MUC5AC: variants seen among roughly 807,000 people sequenced by gnomAD.
MUC5AC encodes the protein mucin 5AC, oligomeric mucus/gel-forming.
In MUC5AC, 158 loss-of-function variants were observed where a neutral mutation model predicts 169.7. That is an observed-to-expected ratio of 0.93 (90% CI 0.82 to 1.06). The LOEUF is 1.06. Among genes scored for constraint, MUC5AC ranks in the 50% least tolerant of loss-of-function variants. The pLI is 0.00. For synonymous variants in MUC5AC, 1,975 were observed against 1,237.0 expected, an observed-to-expected ratio of 1.60 and a Z score of -12.52; for missense variants, 4,359 against 3,089.9, an observed-to-expected ratio of 1.41 and a Z score of -9.74.
Position 1,162,146 on chromosome 11 carries a change from T to TC in MUC5AC, c.453dup (p.Val152ArgfsTer42), listed in dbSNP as rs758359469. On this transcript the variant is annotated frameshift_variant, in exon 4 of 49. Transcript: ENST00000621226. LOFTEE classifies it high-confidence loss of function. The stretch of plus-strand genomic sequence containing the variant: ...CGTGGTCATCCAGCTGACCAAGGGC[T>TC]CCGTCCTGGTCAACGGCCACCCGTG... 35 of 1,611,318 alleles carry TC rather than the reference T, an allele frequency of 2.2e-5. No homozygotes were observed. The highest frequency in any genetic ancestry group is 2.9e-5 in the Non-Finnish European group (34 of 1,178,904).
intron 15 of MUC5AC, among the ~76,000 whole-genome samples, chr11:1,171,019 T>TTCACCCACTCAC: frequency 1.7e-5 from 1 of 57,828 alleles, no homozygotes; most frequent in South Asian, 7.3e-4. Context: ...CATTCACCCA[T>TTCACCCACTCAC]TCACCCACTC....
chr11:1,189,591 A>G lies in MUC5AC; in HGVS notation c.11446A>G (p.Thr3816Ala), dbSNP rs1229067848. The G allele has an allele frequency of 1.6e-6, 1 of 608,536 alleles. No individual in the cohort carries two copies. The highest frequency in any genetic ancestry group is 2.9e-6 in the Non-Finnish European group (1 of 342,602). 37.7% of individuals were successfully genotyped at this position (608,536 alleles called of 1,614,324 possible). The change falls in exon 31 of 49, where the codon ACC (threonine) becomes GCC (alanine). Residue 3816 changes from threonine (T) to alanine (A), a missense_variant. Transcript: ENST00000621226. ...AATCTCTTCCCCTACAACCAGCACA[A>G]CCTCCACTCCGCAGACCAGCACAAC... The part of the protein sequence containing the change: ...STISSPTTST[T>A]STPQTSTTSS...
intron 4 of MUC5AC, 48 bp downstream of exon 4, chr11:1,162,216 G>A (rs1364785309): frequency 3.1e-6 from 5 of 1,588,424 alleles, no homozygotes; most frequent in Non-Finnish European, 4.3e-6. Context: ...GTGTGGGGTG[G>A]CATTTCCGGG....
chr11:1,164,514 G>A lies in MUC5AC; in HGVS notation c.1111G>A (p.Gly371Ser), dbSNP rs1209399516. The change falls in exon 9 of 49, where the codon GGC becomes AGC. Residue 371 changes from glycine (G) to serine (S), a missense_variant. Coordinates refer to ENST00000621226, the MANE Select transcript of MUC5AC (RefSeq NM_001304359.2). ...GGCCTGTGAGGACCACTGTGTGGCC[G>A]GCTGCTTCTGCCCTGAGGGTGAGGC... ...SRACEDHCVAGCFCPEGTVLD... is the reference protein window; with the variant it reads ...SRACEDHCVASCFCPEGTVLD... The A allele has an allele frequency of 7.4e-6, 12 of 1,610,976 alleles. No homozygotes were observed. Among genetic ancestry groups the A allele is most frequent in the African/African-American group, 1.3e-5 (1 of 74,926 alleles).
At chr11:1,173,741 CACTCACTCATCCACTCACTCATCCACT>C (rs1860610449) in intron 16 of MUC5AC, among the ~76,000 whole-genome samples, 1 of 151,202 alleles carries the variant, frequency 6.6e-6, no homozygotes, top group Non-Finnish European at 1.5e-5. Flanking sequence ...TCCACTCACT[CACTCACTCATCCACTCACTCATCCACT>C]CACTCACTCA....
At chr11:1,169,274 T>A in intron 15 of MUC5AC, 1 of 707,448 alleles carries the variant, frequency 1.4e-6, no homozygotes, top group South Asian at 6.4e-5. Flanking sequence ...ACATCCGCCC[T>A]GACCGCCTAC....
In MUC5AC at chr11:1,195,757, C is replaced by T. The variant is rs944098043; in HGVS notation, c.15459-119C>T. Reference sequence around the variant, plus strand: ...GGGGATACAGGAGGGCGGCCACACACCAGTGGCTGCTCTGGGACTCGCCTC... The same window carrying T: ...GGGGATACAGGAGGGCGGCCACACATCAGTGGCTGCTCTGGGACTCGCCTC... On this transcript the variant is annotated intron_variant, in intron 36 of 48. Coordinates refer to ENST00000621226, the MANE Select transcript of MUC5AC (RefSeq NM_001304359.2). The T allele has an allele frequency of 4.8e-5, 29 of 608,466 alleles. No individual in the cohort carries two copies. The East Asian group carries it at 7.8e-4, about 16-fold the overall frequency. 37.7% of individuals were successfully genotyped at this position (608,466 alleles called of 1,614,324 possible). A position where few individuals can be genotyped will look rare whatever the true frequency, so the allele number is the denominator to read the frequency against.
chr11:1,161,408 C>T (rs1049452179), intron 2 of MUC5AC, 119 bp from the exon 3 acceptor site: 24 of 729,722 alleles, frequency 3.3e-5, no homozygotes, highest in African/African-American at 9.1e-5. Flanking sequence ...CAGCAGAATC[C>T]GGAGTTGGCT....
chr11:1,159,436 T>TG (rs1306836800), intron 1 of MUC5AC, among the ~76,000 whole-genome samples: 1 of 114,134 alleles, frequency 8.8e-6, no homozygotes, highest in Non-Finnish European at 1.8e-5. Context: ...CGGGGTTGTG[T>TG]GGGGGGTCTG....
At chr11:1,172,000 C>T (rs956233645) in intron 15 of MUC5AC, among the ~76,000 whole-genome samples, 6 of 152,362 alleles carry the variant, frequency 3.9e-5, no homozygotes, top group African/African-American at 1.4e-4. Context: ...TTCACTTCGC[C>T]TTCAGAGCTT....
chr11:1,165,591 G>T, intron 10 of MUC5AC, 31 bp from the exon 11 acceptor site: 1 of 1,609,396 alleles, frequency 6.2e-7, no homozygotes, highest in Non-Finnish European at 8.5e-7. Context: ...CCTGGGGCCG[G>T]CACCCACGTG....
rs1461982600 is a variant in MUC5AC, at chr11:1,168,649, C to T, written c.1575C>T (p.Val525=). The part of the protein sequence containing the change: ...YTQLPISAAN[V]TIFRPSTFFI... The stretch of plus-strand genomic sequence containing the variant: ...TGTCCTTTGTGTCCCCAGCCAACGT[C>T]ACCATCTTCAGACCCTCAACCTTCT... The change falls in exon 14 of 49, where the codon GTC becomes GTT. Residue 525 remains valine (V), a synonymous_variant. Transcript: ENST00000621226. 3 of 1,610,248 alleles carry T rather than the reference C, an allele frequency of 1.9e-6. No individual in the cohort carries two copies.
intron 26 of MUC5AC, among the ~76,000 whole-genome samples, chr11:1,179,561 G>A (rs1860763907): frequency 7.0e-6 from 1 of 141,990 alleles, no homozygotes; most frequent in Admixed American, 6.9e-5. Context: ...AGGAGGGCGT[G>A]GCTGATGGAG....
At position 1,196,710 on chromosome 11, in the gene MUC5AC, G is replaced by A. The variant is rs557714363; in HGVS notation, c.15819G>A (p.Thr5273=). 2.0e-5 allele frequency: 15 copies of A among 757,410 alleles called. No individual in the cohort carries two copies. In the East Asian group the frequency reaches 3.2e-4, roughly 16 times the overall value. The allele number at this position is 757,410 out of a possible 1,614,324, so 46.9% of individuals were successfully genotyped here. Residue 5273 remains threonine (T), a synonymous_variant, in exon 39 of 49, where the codon ACG becomes ACA. Transcript: ENST00000621226. ...FSTSAQVCVP[T]GCPRCLGPHG... is the part of the protein sequence containing the mutation. The stretch of plus-strand genomic sequence containing the variant: ...CCAGTGCCCAAGTCTGCGTGCCCAC[G>A]GGCTGCCCCAGTACGTGCCCCAGGC...
rs1392105998 is a variant in MUC5AC at position 1,174,613 on chromosome 11, G to A, written c.2083G>A (p.Gly695Ser). ...KGVQLGGWRD[G>S]VCTKPMTTCP... ...CGTGCAGCTCGGCGGCTGGAGGGAC[G>A]GCGTCTGCAGTGAGTGCCTGCCAAG... The change falls in exon 17 of 49, where the codon GGC (glycine) becomes AGC (serine). Residue 695 changes from glycine to serine, a missense_variant. Physicochemically the swap from Gly to Ser is moderately conservative, Grantham distance 56. Coordinates refer to ENST00000621226, the MANE Select transcript of MUC5AC (RefSeq NM_001304359.2). 5.6e-6 allele frequency: 7 copies of A among 1,257,482 alleles called. No homozygotes were observed. Among genetic ancestry groups the A allele is most frequent in the East Asian group, 5.2e-5 (2 of 38,630 alleles). 77.9% of individuals were successfully genotyped at this position (1,257,482 alleles called of 1,614,324 possible). A position where few individuals can be genotyped will look rare whatever the true frequency, so the allele number is the denominator to read the frequency against.
rs1860150977 is a variant in MUC5AC at position 1,161,900 on chromosome 11, A to G, written c.212-7A>G. 1 of 1,609,754 alleles carries G rather than the reference A, an allele frequency of 6.2e-7. No individual in the cohort carries two copies. The highest frequency in any genetic ancestry group is 1.3e-5 in the African/African-American group (1 of 74,870). On this transcript the variant is annotated splice_polypyrimidine_tract_variant and splice_region_variant and intron_variant, in intron 3 of 48. Coordinates refer to ENST00000621226, the MANE Select transcript of MUC5AC (RefSeq NM_001304359.2). ...CGCCCCCAAACACCATGCTGCTTCC[A>G]CCGCAGCCTCCAACCCGGCGCACAA...
In MUC5AC at chr11:1,194,670, G is replaced by A. The variant is rs1439184088; in HGVS notation, c.15190G>A (p.Gly5064Ser). The A allele has an allele frequency of 1.5e-5, 11 of 754,550 alleles. No homozygotes were observed. Among genetic ancestry groups the A allele is most frequent in the Non-Finnish European group, 1.9e-5 (8 of 411,098 alleles). The allele number at this position is 754,550 out of a possible 1,614,324, so 46.7% of individuals were successfully genotyped here. The change falls in exon 35 of 49, where the codon GGC becomes AGC. Residue 5064 changes from glycine (G) to serine (S), a missense_variant and splice_region_variant. Coordinates refer to ENST00000621226, the MANE Select transcript of MUC5AC (RefSeq NM_001304359.2). ...TGCCAACAACACCGAGGGCCAGTGCGGTGAGGCCACAGGGCTCCCGGGCAT... is the reference window on the plus strand; with the variant it reads ...TGCCAACAACACCGAGGGCCAGTGCAGTGAGGCCACAGGGCTCCCGGGCAT... ...KFANNTEGQC[G>S]TCTNDRKDEC...
At chr11:1,179,660 G>A (rs1450189284) in intron 26 of MUC5AC, among the ~76,000 whole-genome samples, 5 of 111,592 alleles carry the variant, frequency 4.5e-5, no homozygotes, top group Non-Finnish European at 2.1e-5. Flanking sequence ...CCCTGGCATG[G>A]TTGGGCAGAG....
chr11:1,192,286 T>G lies in MUC5AC; in HGVS notation c.14141T>G (p.Met4714Arg), dbSNP rs1590149564. The change falls in exon 31 of 49, where the codon ATG becomes AGG. Residue 4714 changes from methionine (M) to arginine (R), a missense_variant. Met to Arg is a moderately conservative substitution (Grantham distance 91, BLOSUM62 -1). Coordinates refer to ENST00000621226, the MANE Select transcript of MUC5AC (RefSeq NM_001304359.2). The part of the protein sequence containing the change: ...RNQDQQGPFK[M>R]CLNYEVRVLC... The stretch of plus-strand genomic sequence containing the variant: ...CAGGACCAGCAGGGACCCTTCAAGA[T>G]GTGCCTCAACTACGAGGTGCGCGTG... 1 of 765,096 alleles carries G rather than the reference T, an allele frequency of 1.3e-6. No individual in the cohort carries two copies. The allele number at this position is 765,096 out of a possible 1,614,324, so 47.4% of individuals were successfully genotyped here.
Sources: gnomAD v4.1 joint callset for allele counts (sites outside exome capture counted in the v4.1 genomes callset) on GRCh38, gnomAD v4.1.1 for gene constraint, MANE v1.5 for transcripts, NCBI Gene and HGNC (gene_info 2026-07-23, HGNC 2026-07-21) for gene names.